Variants in RNF6 observed in about 807,000 individuals in gnomAD.
The protein encoded by RNF6 is ring finger protein 6.
A neutral mutation model predicts 50.1 loss-of-function variants in RNF6; 21 were observed. That is an observed-to-expected ratio of 0.42 (90% CI 0.30 to 0.60). The LOEUF is 0.60. RNF6 is among the 20% of genes least tolerant of loss of function. The probability of loss-of-function intolerance (pLI) is 0.20; values close to 1 mark genes in which losing one functional copy is unlikely to be tolerated. For missense variants in RNF6, 698 were observed against 838.2 expected (o/e 0.83, Z 2.07); for synonymous variants, 255 against 291.8 (o/e 0.87, Z 1.29).
intron 5 of RNF6, among the ~76,000 whole-genome samples, chr13:26,204,266 C>T (rs752630098): frequency 1.3e-5 from 2 of 151,990 alleles, no homozygotes; most frequent in East Asian, 1.9e-4. Flanking sequence ...AAGGCCGAGG[C>T]GGGTGGATCA....
At chr13:26,167,338 A>T (rs948183358) in intron 5 of RNF6, among the ~76,000 whole-genome samples, 14 of 152,224 alleles carry the variant, frequency 9.2e-5, no homozygotes, top group African/African-American at 1.2e-4. Context: ...TCTATAAGGA[A>T]CTTAAACAAA....
At chr13:26,189,750 T>C (rs1868384283) in intron 5 of RNF6, among the ~76,000 whole-genome samples, 1 of 152,226 alleles carries the variant, frequency 6.6e-6, no homozygotes, top group South Asian at 2.1e-4. Context: ...ACAGTCTGCT[T>C]AATAAACCAC....
At chr13:26,175,701 G>C (rs1872923240) in intron 5 of RNF6, among the ~76,000 whole-genome samples, 2 of 152,120 alleles carry the variant, frequency 1.3e-5, no homozygotes, top group African/African-American at 4.8e-5. Flanking sequence ...CCAAGAGGGA[G>C]TGAGAGAGTA....
rs1555319593 is a variant in RNF6, at chr13:26,204,511, A to AAAG, written n.768+10962_768+10963insCTT. ...GACTCCACCTCAAAAAAAAAAAAAA[A>AAAG]AAAAGAAAGAAAGAAAGAAAAAGAA... On this transcript the variant is annotated intron_variant and non_coding_transcript_variant, in intron 5 of 5. Transcript: ENST00000468480. Among the ~76,000 whole-genome samples the AAAG allele has an allele frequency of 6.5e-3, 977 of 151,254 alleles. 15 individuals carry two copies. Among genetic ancestry groups the AAAG allele is most frequent in the African/African-American group, 0.022 (909 of 41,076 alleles).
At chr13:26,187,212 T>C (rs1873595608) in intron 5 of RNF6, among the ~76,000 whole-genome samples, 1 of 147,616 alleles carries the variant, frequency 6.8e-6, no homozygotes, top group Non-Finnish European at 1.5e-5. Context: ...CCTCTGCTCC[T>C]GGCTGCGACG....
chr13:26,145,445 T>TGGG (rs71188712), intron 5 of RNF6, among the ~76,000 whole-genome samples: 5 of 46,768 alleles, frequency 1.1e-4, no homozygotes, highest in African/African-American at 5.1e-4. Flanking sequence ...GACTGAATCA[T>TGGG]GGGGAGGGGG....
rs79282962 is a variant in RNF6 at position 26,192,909 on chromosome 13, A to C, written n.768+22565T>G. 4.0e-3 allele frequency among the ~76,000 whole-genome samples: 616 copies of C among 152,344 alleles called. 6 individuals are homozygous for C. Among genetic ancestry groups the C allele is most frequent in the Non-Finnish European group, 6.9e-3 (470 of 68,024 alleles). On this transcript the variant is annotated intron_variant and non_coding_transcript_variant, in intron 5 of 5. Coordinates refer to the RNF6 transcript ENST00000468480. ...AGACTCCTGACGCACAGAAACTGTA[A>C]TATAATAAACGTGGTATATTGTAAG...
chr13:26,148,062 G>A (rs1871343746), intron 5 of RNF6, among the ~76,000 whole-genome samples: 1 of 152,110 alleles, frequency 6.6e-6, no homozygotes, highest in Non-Finnish European at 1.5e-5. Context: ...CACCTGGCTG[G>A]GGAGGCCTCA....
rs369739793 is a variant in RNF6 at position 26,163,088 on chromosome 13, A to G, written n.769-30637T>C. On this transcript the variant is annotated intron_variant and non_coding_transcript_variant, in intron 5 of 5. Coordinates refer to the RNF6 transcript ENST00000468480. ...CACTTTGGGAGGCTGAGGCGGGTGG[A>G]TCACGAGGTCAGGAGATCGAGACCA... is the stretch of plus-strand genomic sequence containing the variant. Among the ~76,000 whole-genome samples the G allele has an allele frequency of 2.6e-5, 4 of 152,104 alleles. No individual in the cohort carries two copies. The East Asian group carries it at 7.7e-4, about 29-fold the overall frequency.
At chr13:26,207,275 G>T (rs985877145) in intron 5 of RNF6, among the ~76,000 whole-genome samples, 3 of 152,096 alleles carry the variant, frequency 2.0e-5, no homozygotes, top group African/African-American at 7.2e-5. Flanking sequence ...CCCTGCGAGG[G>T]ATCCTAAATG....
At chr13:26,145,152 A>G (rs982957525) in intron 5 of RNF6, among the ~76,000 whole-genome samples, 6 of 152,244 alleles carry the variant, frequency 3.9e-5, no homozygotes, top group African/African-American at 1.4e-4. Context: ...CCAGATCAAT[A>G]GCTGCATACC....
intron 5 of RNF6, among the ~76,000 whole-genome samples, chr13:26,163,378 C>G (rs1005022802): frequency 2.0e-5 from 3 of 152,054 alleles, no homozygotes; most frequent in African/African-American, 7.2e-5. Context: ...TCCCACCAGA[C>G]TTCTGCATTA....
rs1869761427 is a variant in RNF6 at position 26,215,355 on chromosome 13, T to A, written c.527A>T (p.Asp176Val). ...ATTTGCAGTATGATCTCTGTTACTA[T>A]CTGAAAGTGGAATGTCTGTATAATC... is the stretch of plus-strand genomic sequence containing the variant. ...GEDYTDIPLS[D>V]SNRDHTANRQ... Residue 176 changes from aspartate to valine, a missense_variant, in exon 5 of 5, where the codon GAT (aspartate) becomes GTT (valine). Physicochemically the swap from Asp to Val is radical, Grantham distance 152 (BLOSUM62 -3). Coordinates refer to ENST00000381588, the MANE Select transcript of RNF6 (RefSeq NM_005977.4). The A allele has an allele frequency of 6.2e-7, 1 of 1,614,212 alleles. No individual in the cohort carries two copies. Among genetic ancestry groups the A allele is most frequent in the South Asian group, 1.1e-5 (1 of 91,080 alleles).
chr13:26,132,409 C>A (rs1358830756), exon 6 of RNF6: 1 of 459,114 alleles, frequency 2.2e-6, no homozygotes, highest in Non-Finnish European at 4.4e-6. Context: ...ATAGACTTAA[C>A]AACTGGTTTT....
At chr13:26,138,583 GATA>G (rs778420975) in intron 5 of RNF6, among the ~76,000 whole-genome samples, 43 of 152,164 alleles carry the variant, frequency 2.8e-4, no homozygotes, top group Non-Finnish European at 4.6e-4. Flanking sequence ...TGTAATTTGT[GATA>G]ATAATAGCAA....
rs1283985395 is a variant in RNF6, at chr13:26,215,572, T to C, written c.310A>G (p.Ser104Gly). The change falls in exon 5 of 5, where the codon AGT becomes GGT. Residue 104 changes from serine (S) to glycine (G), a missense_variant. By Grantham distance (56) the Ser-to-Gly change is moderately conservative. Transcript: ENST00000381588. Reference sequence around the variant, plus strand: ...TCTAGAAGAGAATCTTCATGTGAACTTTCTCTAGGGACTTCTGAGTCTAGA... The same window carrying C: ...TCTAGAAGAGAATCTTCATGTGAACCTTCTCTAGGGACTTCTGAGTCTAGA... Reference protein sequence around the residue: ...NYRDSEVPRESSHEDSLLEWL... With the variant: ...NYRDSEVPREGSHEDSLLEWL... 1.2e-6 allele frequency: 2 copies of C among 1,605,704 alleles called. No individual in the cohort carries two copies. Among genetic ancestry groups the C allele is most frequent in the Non-Finnish European group, 1.7e-6 (2 of 1,179,406 alleles).
chr13:26,207,999 G>A (rs1027418774), downstream of RNF6, among the ~76,000 whole-genome samples: 6 of 152,214 alleles, frequency 3.9e-5, no homozygotes, highest in South Asian at 4.1e-4. Flanking sequence ...CTGAATTTGA[G>A]GTTCCAAAGG....
chr13:26,187,595 A>G (rs73158279), intron 5 of RNF6, among the ~76,000 whole-genome samples: 4,984 of 152,302 alleles, frequency 0.033, 111 homozygotes, highest in Non-Finnish European at 0.052. Flanking sequence ...TGGGTGACTT[A>G]GTGGGTATGT....
intron 5 of RNF6, among the ~76,000 whole-genome samples, chr13:26,191,328 A>C (rs1229933203): frequency 6.6e-6 from 1 of 152,178 alleles, no homozygotes; most frequent in Admixed American, 6.6e-5. Flanking sequence ...TATCCTGTTC[A>C]AGTTGCTGTG....
Sources: allele counts gnomAD v4.1 joint callset (sites outside exome capture counted in the v4.1 genomes callset), GRCh38; gene constraint gnomAD v4.1.1; transcripts MANE v1.5; gene names NCBI Gene and HGNC (gene_info 2026-07-23, HGNC 2026-07-21).